Variants in ZNF385D observed in about 807,000 individuals in gnomAD.
ZNF385D encodes zinc finger protein 385D, also known as zinc finger protein 659.
ZNF385D carries 15 observed loss-of-function variants against 35.8 expected under a neutral mutation model. That is an observed-to-expected ratio of 0.42 (90% CI 0.28 to 0.64). The LOEUF is 0.64. Ranked by LOEUF, ZNF385D falls within the 30% of genes least tolerant of loss-of-function variation. The pLI is 0.23. For missense variants in ZNF385D, 474 were observed against 494.6 expected (o/e 0.96, Z 0.39); for synonymous variants, 212 against 186.8 (o/e 1.13, Z -1.10).
At chr3:21,730,725 T>C (rs919515574) in intron 1 of ZNF385D, among the ~76,000 whole-genome samples, 1 of 152,258 alleles carries the variant, frequency 6.6e-6, no homozygotes, top group Non-Finnish European at 1.5e-5. Context: ...TGTACTTGCT[T>C]ATAGTAGTGT....
intron 1 of ZNF385D, among the ~76,000 whole-genome samples, chr3:21,724,161 T>C (rs369864659): frequency 8.6e-5 from 13 of 151,834 alleles, no homozygotes; most frequent in African/African-American, 3.1e-4. Context: ...GCACTACACA[T>C]AGAAAGGAGC....
chr3:22,178,851 C>T (rs1167770367), intron 2 of ZNF385D, among the ~76,000 whole-genome samples: 1 of 152,114 alleles, frequency 6.6e-6, no homozygotes, highest in East Asian at 1.9e-4. Flanking sequence ...AAACCTTTCC[C>T]CATTTCTTGT....
chr3:21,745,825 AG>A, intron 1 of ZNF385D, among the ~76,000 whole-genome samples: 1 of 152,318 alleles, frequency 6.6e-6, no homozygotes, highest in South Asian at 2.1e-4. Flanking sequence ...AGGCAGGAAA[AG>A]CTTTGAAAAT....
intron 3 of ZNF385D, among the ~76,000 whole-genome samples, chr3:21,819,592 CAT>C (rs1285939943): frequency 1.4e-5 from 2 of 147,762 alleles, no homozygotes; most frequent in African/African-American, 4.9e-5. Context: ...ATATGTGCTA[CAT>C]ATGTGTGTAT....
intron 3 of ZNF385D, among the ~76,000 whole-genome samples, chr3:21,758,521 T>C (rs1162584980): frequency 6.6e-6 from 1 of 152,046 alleles, no homozygotes; most frequent in East Asian, 1.9e-4. Flanking sequence ...ATCAGAAATT[T>C]TGTGGATGGA....
intron 2 of ZNF385D, among the ~76,000 whole-genome samples, chr3:22,349,230 G>C (rs1695804874): frequency 6.6e-6 from 1 of 152,114 alleles, no homozygotes; most frequent in Non-Finnish European, 1.5e-5. Flanking sequence ...AAATAAACAA[G>C]CAAATACATG....
intron 2 of ZNF385D, among the ~76,000 whole-genome samples, chr3:21,613,456 T>G (rs2064750155): frequency 6.6e-6 from 1 of 150,510 alleles, no homozygotes; most frequent in Non-Finnish European, 1.5e-5. Context: ...CCTCCCTGGG[T>G]TTTTAGAAGC....
chr3:21,621,823 G>A (rs1181320427), intron 2 of ZNF385D, among the ~76,000 whole-genome samples: 4 of 148,148 alleles, frequency 2.7e-5, no homozygotes, highest in African/African-American at 1.0e-4. Context: ...TATGTCTTCT[G>A]TTCTTGTATT....
At chr3:22,133,140 TA>T (rs1703898312) in intron 3 of ZNF385D, among the ~76,000 whole-genome samples, 1 of 152,146 alleles carries the variant, frequency 6.6e-6, no homozygotes, top group African/African-American at 2.4e-5. Flanking sequence ...GAATAATCTT[TA>T]AAAAATACCC....
chr3:21,693,051 C>A (rs977370024), intron 1 of ZNF385D, among the ~76,000 whole-genome samples: 18 of 152,192 alleles, frequency 1.2e-4, no homozygotes, highest in African/African-American at 4.3e-4. Context: ...TGGCAACTAG[C>A]ATCACACAGA....
intron 2 of ZNF385D, among the ~76,000 whole-genome samples, chr3:22,172,456 A>G (rs1038130816): frequency 2.0e-5 from 3 of 152,220 alleles, no homozygotes; most frequent in African/African-American, 7.2e-5. Context: ...CTGGGATGCA[A>G]TGTGGTTCTT....
chr3:22,107,058 CTT>C (rs1256836831), intron 3 of ZNF385D, among the ~76,000 whole-genome samples: 6 of 92,244 alleles, frequency 6.5e-5, no homozygotes, highest in Non-Finnish European at 1.2e-4. Flanking sequence ...GAGTTTTGCT[CTT>C]GTTGCCCAGG....
chr3:21,720,732 A>G (rs193251437), intron 1 of ZNF385D, among the ~76,000 whole-genome samples: 1 of 152,336 alleles, frequency 6.6e-6, no homozygotes, highest in East Asian at 1.9e-4. Context: ...CTGTGTAGCT[A>G]TAAATTTAGC....
At chr3:21,434,504 G>A (rs577927078) in intron 5 of ZNF385D, among the ~76,000 whole-genome samples, 1 of 152,300 alleles carries the variant, frequency 6.6e-6, no homozygotes, top group South Asian at 2.1e-4. Context: ...GAGCCAGTAT[G>A]CATGTGGCAG....
At chr3:21,725,917 G>T (rs1383554353) in intron 1 of ZNF385D, among the ~76,000 whole-genome samples, 1 of 152,120 alleles carries the variant, frequency 6.6e-6, no homozygotes, top group African/African-American at 2.4e-5. Flanking sequence ...ATATTAATGT[G>T]CAAGTCCTCA....
intron 3 of ZNF385D, among the ~76,000 whole-genome samples, chr3:22,139,388 G>A (rs1474320146): frequency 2.0e-5 from 3 of 152,062 alleles, no homozygotes; most frequent in Admixed American, 1.3e-4. Flanking sequence ...ATGATAGACT[G>A]GATTAAGAAA....
intron 3 of ZNF385D, among the ~76,000 whole-genome samples, chr3:22,157,749 G>A (rs929038690): frequency 6.6e-6 from 1 of 152,004 alleles, no homozygotes; most frequent in African/African-American, 2.4e-5. Context: ...TGAAATTTAT[G>A]TACACATATT....
intron 1 of ZNF385D, among the ~76,000 whole-genome samples, chr3:21,706,838 AGAT>A (rs2067920530): frequency 6.6e-6 from 1 of 151,980 alleles, no homozygotes; most frequent in Admixed American, 6.6e-5. Context: ...ATAGATAGAT[AGAT>A]AGATAGATAG....
intron 3 of ZNF385D, among the ~76,000 whole-genome samples, chr3:22,129,792 A>G (rs1703666433): frequency 6.6e-6 from 1 of 152,110 alleles, no homozygotes; most frequent in Non-Finnish European, 1.5e-5. Context: ...GAAGTAGGGC[A>G]TTTAGGAGTC....
Sources: allele counts gnomAD v4.1 joint callset (sites outside exome capture counted in the v4.1 genomes callset), GRCh38; gene constraint gnomAD v4.1.1; transcripts MANE v1.5; gene names NCBI Gene and HGNC (gene_info 2026-07-23, HGNC 2026-07-21).